The following UNC5D variants were observed in gnomAD, a reference collection of about 807,000 sequenced individuals.
UNC5D encodes the protein unc-5 netrin receptor D.
Under a neutral mutation model 105.4 loss-of-function variants are expected in UNC5D, and 39 were observed. The ratio of observed to expected loss-of-function variants is 0.37; its 90% confidence interval spans 0.29 to 0.48. The LOEUF is 0.48. Among genes scored for constraint, UNC5D ranks in the 20% least tolerant of loss-of-function variants. UNC5D has a pLI of 0.98. For missense variants in UNC5D, 991 were observed against 1,202.4 expected (o/e 0.82, Z 2.60); for synonymous variants, 452 against 450.4 (o/e 1.00, Z -0.04).
intron 1 of UNC5D, among the ~76,000 whole-genome samples, chr8:35,431,939 T>C (rs576202012): frequency 6.6e-5 from 10 of 152,270 alleles, no homozygotes; most frequent in African/African-American, 1.9e-4. Flanking sequence ...TAAACAATTT[T>C]CTTCATAAGT....
chr8:35,539,950 G>C (rs1291768950), intron 1 of UNC5D, among the ~76,000 whole-genome samples: 1 of 152,148 alleles, frequency 6.6e-6, no homozygotes, highest in East Asian at 1.9e-4. Context: ...CTTCCTGAAA[G>C]GTAATTTTCC....
intron 3 of UNC5D, among the ~76,000 whole-genome samples, chr8:35,595,320 C>A (rs1043162883): frequency 2.0e-5 from 3 of 152,186 alleles, no homozygotes; most frequent in Admixed American, 6.5e-5. Context: ...TTATTTATTT[C>A]ATCCTTCACA....
chr8:35,340,754 T>C (rs1193812992), intron 1 of UNC5D, among the ~76,000 whole-genome samples: 1 of 152,148 alleles, frequency 6.6e-6, no homozygotes, highest in Non-Finnish European at 1.5e-5. Flanking sequence ...ATTTTCATAA[T>C]AGCCACAGAA....
intron 16 of UNC5D, among the ~76,000 whole-genome samples, chr8:35,784,716 C>CCAG (rs1802665298): frequency 6.6e-6 from 1 of 152,002 alleles, no homozygotes; most frequent in African/African-American, 2.4e-5. Context: ...CTACTGCACT[C>CCAG]CAGCCTGGGA....
At chr8:35,283,590 G>C (rs1343583252) in intron 1 of UNC5D, among the ~76,000 whole-genome samples, 1 of 151,782 alleles carries the variant, frequency 6.6e-6, no homozygotes, top group Admixed American at 6.6e-5. Context: ...TGAAAACCCT[G>C]TGTCTACTAA....
chr8:35,588,767 G>T (rs1818960592), intron 3 of UNC5D, among the ~76,000 whole-genome samples: 1 of 152,182 alleles, frequency 6.6e-6, no homozygotes, highest in South Asian at 2.1e-4. Context: ...CCAGCTGGGT[G>T]CAGTGGCTCA....
chr8:35,612,912 A>G (rs1039117139), intron 4 of UNC5D, among the ~76,000 whole-genome samples: 5 of 151,984 alleles, frequency 3.3e-5, no homozygotes, highest in Non-Finnish European at 7.4e-5. Context: ...GCCTTTTCTA[A>G]TCTTCTTTGC....
intron 12 of UNC5D, 88 bp downstream of exon 12, chr8:35,748,783 C>T: frequency 2.8e-6 from 4 of 1,440,656 alleles, no homozygotes; most frequent in Non-Finnish European, 3.7e-6. Context: ...CACCACAAAT[C>T]AGCATTTCGT....
At chr8:35,624,864 T>G (rs1821606888) in intron 4 of UNC5D, among the ~76,000 whole-genome samples, 1 of 152,216 alleles carries the variant, frequency 6.6e-6, no homozygotes, top group African/African-American at 2.4e-5. Flanking sequence ...TGAGTCACAT[T>G]TCACATATAT....
At chr8:35,788,855 T>C (rs909747274) in intron 16 of UNC5D, among the ~76,000 whole-genome samples, 4 of 151,904 alleles carry the variant, frequency 2.6e-5, no homozygotes, top group Non-Finnish European at 5.9e-5. Context: ...CACTGGGATT[T>C]CGAACCATTG....
intron 1 of UNC5D, among the ~76,000 whole-genome samples, chr8:35,391,060 A>G (rs1006454765): frequency 2.6e-5 from 4 of 152,220 alleles, no homozygotes; most frequent in African/African-American, 9.6e-5. Flanking sequence ...CAGGAAGTAC[A>G]GGAGGGAGTA....
intron 1 of UNC5D, among the ~76,000 whole-genome samples, chr8:35,283,912 C>G (rs1445617965): frequency 6.6e-6 from 1 of 152,128 alleles, no homozygotes; most frequent in African/African-American, 2.4e-5. Flanking sequence ...AATTCTAGCA[C>G]AGCCAAGGTT....
intron 4 of UNC5D, among the ~76,000 whole-genome samples, chr8:35,631,413 G>T (rs1384936790): frequency 6.6e-6 from 1 of 152,154 alleles, no homozygotes; most frequent in African/African-American, 2.4e-5. Flanking sequence ...CACACAGCTT[G>T]ACATAGTTCT....
chr8:35,621,144 G>A (rs535049368), intron 4 of UNC5D, among the ~76,000 whole-genome samples: 19 of 152,290 alleles, frequency 1.2e-4, no homozygotes, highest in Non-Finnish European at 2.2e-4. Context: ...GAATCCTTGA[G>A]ACTCTGTCTT....
At position 35,792,298 on chromosome 8, in the gene UNC5D, T is replaced by C. The variant is rs1563768944; in HGVS notation, c.*1735T>C. ...TACCATGGGTAAGGCATGGAAGAAC[T>C]CTTGAATGTGTTGGCCATTTTCTCT... On this transcript the variant is annotated 3_prime_UTR_variant, in exon 17 of 17. Coordinates refer to ENST00000404895, the MANE Select transcript of UNC5D (RefSeq NM_080872.4). 6.6e-6 allele frequency: 1 copy of C among 152,138 alleles called. No individual in the cohort carries two copies. Among genetic ancestry groups the C allele is most frequent in the Non-Finnish European group, 1.5e-5 (1 of 68,036 alleles). 9.4% of individuals were successfully genotyped at this position (152,138 alleles called of 1,614,324 possible).
chr8:35,752,329 A>G (rs1337379889), intron 13 of UNC5D, among the ~76,000 whole-genome samples: 1 of 152,150 alleles, frequency 6.6e-6, no homozygotes, highest in East Asian at 1.9e-4. Flanking sequence ...CATTAAGTCC[A>G]TTATGCAGAG....
At chr8:35,457,088 T>G (rs1170317278) in intron 1 of UNC5D, among the ~76,000 whole-genome samples, 4 of 152,190 alleles carry the variant, frequency 2.6e-5, no homozygotes, top group Non-Finnish European at 4.4e-5. Context: ...GTTAAAGGGA[T>G]AATAATACCT....
chr8:35,513,243 C>T (rs1203424308), intron 1 of UNC5D, among the ~76,000 whole-genome samples: 1 of 144,002 alleles, frequency 6.9e-6, no homozygotes, highest in Non-Finnish European at 1.5e-5. Flanking sequence ...TTTTTTTTTC[C>T]CCTGAGACAG....
intron 1 of UNC5D, among the ~76,000 whole-genome samples, chr8:35,447,963 T>C (rs1167165626): frequency 6.6e-6 from 1 of 152,058 alleles, no homozygotes; most frequent in East Asian, 1.9e-4. Context: ...GTTTCCAAAT[T>C]TGTTCCTAAA....
Sources: allele counts gnomAD v4.1 joint callset (sites outside exome capture counted in the v4.1 genomes callset), GRCh38; gene constraint gnomAD v4.1.1; transcripts MANE v1.5; gene names NCBI Gene and HGNC (gene_info 2026-07-23, HGNC 2026-07-21).